Variants in CYFIP1 observed in about 807,000 individuals in gnomAD.
CYFIP1 encodes cytoplasmic FMR1-interacting protein 1.
Under a neutral mutation model 163.5 loss-of-function variants are expected in CYFIP1, and 58 were observed. The observed-to-expected ratio is 0.35, with a 90% CI of 0.29 to 0.44. CYFIP1 has a LOEUF of 0.44. Among genes scored for constraint, CYFIP1 ranks in the 20% least tolerant of loss-of-function variants. The probability of loss-of-function intolerance (pLI) is 1.00; values close to 1 mark genes in which losing one functional copy is unlikely to be tolerated. For missense variants in CYFIP1, 1,338 were observed against 1,653.8 expected, an observed-to-expected ratio of 0.81 and a Z score of 3.31; for synonymous variants, 663 against 660.7, an observed-to-expected ratio of 1.00 and a Z score of -0.05.
In CYFIP1 at chr15:22,933,908, C is replaced by T; in HGVS notation, c.901-15G>A. 6.4e-7 allele frequency: 1 copy of T among 1,567,230 alleles called. No individual in the cohort carries two copies. The stretch of plus-strand genomic sequence containing the variant: ...ACCTGGAGTTGCTGTATTCAAAGAA[C>T]AAAAAAATAGAGTCATTATGTATAT... On this transcript the variant is annotated splice_polypyrimidine_tract_variant and intron_variant, in intron 9 of 30. Transcript: ENST00000617928.
intron 8 of CYFIP1, 121 bp downstream of exon 8, chr15:22,939,069 TCA>T (rs1182740749): frequency 3.0e-5 from 37 of 1,240,434 alleles, no homozygotes; most frequent in Non-Finnish European, 1.0e-5. Flanking sequence ...AGGACGCTGT[TCA>T]CACATGACAG....
chr15:22,910,667 TA>T, intron 19 of CYFIP1, 39 bp from the exon 20 acceptor site: 1 of 1,606,560 alleles, frequency 6.2e-7, no homozygotes, highest in Non-Finnish European at 8.5e-7. Flanking sequence ...TCATACGCCA[TA>T]AATTGTAATG....
chr15:22,965,274 C>A lies in CYFIP1; in HGVS notation c.-7+15013G>T, dbSNP rs146156075. Among the ~76,000 whole-genome samples the A allele has an allele frequency of 3.2e-3, 486 of 152,222 alleles. 4 individuals carry two copies. Among genetic ancestry groups the A allele is most frequent in the African/African-American group, 0.011 (465 of 41,546 alleles). On this transcript the variant is annotated intron_variant, in intron 1 of 30. Transcript: ENST00000617928. ...AGGAGTTCGAGACCAGCCCAGCCAACGTGGTGAAACCTCGTCTCTACTAAA... is the reference window on the plus strand; with the variant it reads ...AGGAGTTCGAGACCAGCCCAGCCAAAGTGGTGAAACCTCGTCTCTACTAAA...
chr15:22,941,730 C>T (rs1206306159), intron 6 of CYFIP1, among the ~76,000 whole-genome samples: 1 of 152,102 alleles, frequency 6.6e-6, no homozygotes, highest in Non-Finnish European at 1.5e-5. Flanking sequence ...CCCTCCTTCC[C>T]CCAGCTTTGC....
rs36001319 is a variant in CYFIP1 at position 22,945,577 on chromosome 15, A to AT, written c.208-639dup. On this transcript the variant is annotated intron_variant, in intron 3 of 30. Coordinates refer to ENST00000617928, the MANE Select transcript of CYFIP1 (RefSeq NM_014608.6). ...TATTTAGTGAGACGTTCATCACAGT[A>AT]TTTTTTTTTTTTTTTGAGACGAGTC... Among the ~76,000 whole-genome samples the AT allele has an allele frequency of 2.0e-3, 283 of 144,218 alleles. 1 individual carries two copies. The highest frequency in any genetic ancestry group is 4.3e-3 in the East Asian group (21 of 4,938). The allele number at this position is 144,218 out of a possible 152,430, so 94.6% of individuals were successfully genotyped here.
intron 13 of CYFIP1, among the ~76,000 whole-genome samples, chr15:22,923,080 A>G (rs2061242750): frequency 6.6e-6 from 1 of 152,162 alleles, no homozygotes; most frequent in South Asian, 2.1e-4. Flanking sequence ...TATATATGAC[A>G]CCAAAAGCAT....
intron 11 of CYFIP1, 112 bp from the exon 12 acceptor site, chr15:22,928,140 AT>A (rs1266257279): frequency 9.4e-6 from 12 of 1,274,204 alleles, no homozygotes; most frequent in Non-Finnish European, 1.2e-5. Context: ...AAAATAAGAA[AT>A]GCAGGAGGCC....
chr15:22,909,460 A>C, intron 20 of CYFIP1, 147 bp from the exon 21 acceptor site: 2 of 890,656 alleles, frequency 2.2e-6, no homozygotes, highest in East Asian at 2.5e-5. Flanking sequence ...CCCCACATAC[A>C]TGGCAGCCTG....
chr15:22,879,818 C>CA, intron 26 of CYFIP1, 95 bp downstream of exon 26: 1 of 897,080 alleles, frequency 1.1e-6, no homozygotes, highest in Non-Finnish European at 1.7e-6. Flanking sequence ...GCCACACCCC[C>CA]ACTAAAGAAC....
At chr15:22,922,182 G>A (rs28851004) in intron 13 of CYFIP1, among the ~76,000 whole-genome samples, 1,951 of 152,200 alleles carry the variant, frequency 0.013, 41 homozygotes, top group African/African-American at 0.045. Flanking sequence ...GTTTTTGTGT[G>A]CCTGGGGCCC....
At position 22,903,813 on chromosome 15, in the gene CYFIP1, C is replaced by T. The variant is rs1407611638; in HGVS notation, c.2481G>A (p.Glu827=). ...TLDGFDAMFR[E]ANHNVSAPYG... is the part of the protein sequence containing the mutation. Reference sequence around the variant, plus strand: ...AGGGCGCTGACACGTTGTGGTTGGCCTCCCGGAACATGGCGTCGAAGCCGT... The same window carrying T: ...AGGGCGCTGACACGTTGTGGTTGGCTTCCCGGAACATGGCGTCGAAGCCGT... Residue 827 remains glutamate (E), a synonymous_variant, in exon 22 of 31, where the codon GAG becomes GAA. Transcript: ENST00000617928. The T allele has an allele frequency of 1.2e-6, 2 of 1,614,196 alleles. No homozygotes were observed. The highest frequency in any genetic ancestry group is 8.5e-7 in the Non-Finnish European group (1 of 1,180,024).
chr15:22,914,917 G>T, intron 16 of CYFIP1, 35 bp from the exon 17 acceptor site: 1 of 1,568,628 alleles, frequency 6.4e-7, no homozygotes, highest in Non-Finnish European at 8.6e-7. Context: ...GTTATCTCCC[G>T]CAAGCAAAAA....
intron 1 of CYFIP1, among the ~76,000 whole-genome samples, chr15:22,970,423 T>C (rs1204619365): frequency 6.6e-6 from 1 of 152,208 alleles, no homozygotes; most frequent in Non-Finnish European, 1.5e-5. Context: ...CAGCACTTTG[T>C]TTTTGCAAAA....
intron 26 of CYFIP1, among the ~76,000 whole-genome samples, chr15:22,878,822 C>T (rs921725204): frequency 6.6e-6 from 1 of 151,940 alleles, no homozygotes; most frequent in Non-Finnish European, 1.5e-5. Flanking sequence ...AAAGAGTCTA[C>T]ACAGAATGAG....
At chr15:22,949,698 C>A (rs756568944) in intron 1 of CYFIP1, among the ~76,000 whole-genome samples, 1 of 151,554 alleles carries the variant, frequency 6.6e-6, no homozygotes, top group Non-Finnish European at 1.5e-5. Context: ...ATAAACAAGA[C>A]AACTGTAATC....
At chr15:22,937,856 C>T (rs2061765771) in intron 8 of CYFIP1, among the ~76,000 whole-genome samples, 1 of 152,112 alleles carries the variant, frequency 6.6e-6, no homozygotes, top group African/African-American at 2.4e-5. Flanking sequence ...CCACCCACCT[C>T]AACTCCCAAA....
intron 9 of CYFIP1, among the ~76,000 whole-genome samples, chr15:22,935,910 G>C (rs1214235763): frequency 6.6e-6 from 1 of 152,118 alleles, no homozygotes; most frequent in African/African-American, 2.4e-5. Context: ...ATTTTTACTT[G>C]TCAATTACAC....
intron 13 of CYFIP1, 61 bp from the exon 14 acceptor site, chr15:22,918,919 C>T (rs879839918): frequency 7.4e-7 from 1 of 1,358,138 alleles, no homozygotes; most frequent in Admixed American, 2.1e-5. Context: ...CCTCCTCTGC[C>T]TGGCACATGC....
chr15:22,914,673 G>T, intron 17 of CYFIP1, 53 bp downstream of exon 17: 1 of 1,536,960 alleles, frequency 6.5e-7, no homozygotes, highest in Non-Finnish European at 8.8e-7. Context: ...CCTCCTCTGA[G>T]GACCCCCGGT....
Sources: allele counts gnomAD v4.1 joint callset (sites outside exome capture counted in the v4.1 genomes callset), GRCh38; gene constraint gnomAD v4.1.1; transcripts MANE v1.5; gene names NCBI Gene and HGNC (gene_info 2026-07-23, HGNC 2026-07-21).